The following CDH12 variants were observed in gnomAD, a reference collection of about 807,000 sequenced individuals.
The protein encoded by CDH12 is cadherin 12.
CDH12 carries 41 observed loss-of-function variants against 74.1 expected under a neutral mutation model. The observed-to-expected ratio is 0.55, with a 90% confidence interval of 0.43 to 0.72. CDH12 has a LOEUF of 0.72. Among genes scored for constraint, CDH12 ranks in the 30% least tolerant of loss-of-function variants. The pLI, the probability that CDH12 is intolerant of heterozygous loss-of-function variation, is 0.00. For synonymous variants in CDH12, 399 were observed against 355.0 expected (o/e 1.12, Z -1.39); for missense variants, 945 against 977.2 (o/e 0.97, Z 0.44).
intron 3 of CDH12, among the ~76,000 whole-genome samples, chr5:22,260,685 C>G (rs550263601): frequency 3.2e-4 from 48 of 151,998 alleles, no homozygotes; most frequent in African/African-American, 1.2e-3. Flanking sequence ...AAGATAGGTA[C>G]CAATTGTCAC....
chr5:21,837,036 G>C (rs372167026), intron 8 of CDH12, among the ~76,000 whole-genome samples: 6 of 152,078 alleles, frequency 3.9e-5, no homozygotes, highest in Non-Finnish European at 1.5e-5. Flanking sequence ...AGAGTGCTAA[G>C]AAGTTAGGGT....
At chr5:22,514,513 A>G (rs1736730013) in intron 1 of CDH12, among the ~76,000 whole-genome samples, 1 of 139,198 alleles carries the variant, frequency 7.2e-6, no homozygotes, top group Non-Finnish European at 1.5e-5. Context: ...CTATACACTT[A>G]AAAAAAAAAA....
intron 1 of CDH12, among the ~76,000 whole-genome samples, chr5:22,568,913 G>A (rs765209565): frequency 6.6e-6 from 1 of 152,204 alleles, no homozygotes; most frequent in Non-Finnish European, 1.5e-5. Flanking sequence ...GTGGTAATCT[G>A]TTAATCTTTT....
chr5:22,224,431 T>C (rs1024812304), intron 3 of CDH12, among the ~76,000 whole-genome samples: 7 of 152,062 alleles, frequency 4.6e-5, no homozygotes, highest in African/African-American at 1.7e-4. Flanking sequence ...TGGATAATAA[T>C]TTTAAAAACG....
chr5:21,961,852 C>T (rs1004425677), intron 6 of CDH12, among the ~76,000 whole-genome samples: 2 of 151,960 alleles, frequency 1.3e-5, no homozygotes, highest in African/African-American at 4.8e-5. Flanking sequence ...TGTTATATAA[C>T]CCTAGGAAAC....
At chr5:22,616,045 T>C (rs1404223815) in intron 1 of CDH12, among the ~76,000 whole-genome samples, 1 of 152,120 alleles carries the variant, frequency 6.6e-6, no homozygotes, top group African/African-American at 2.4e-5. Flanking sequence ...AACATTAGGA[T>C]AGGAGGACCA....
At chr5:22,836,079 T>C (rs1561065763) in intron 1 of CDH12, among the ~76,000 whole-genome samples, 3 of 152,010 alleles carry the variant, frequency 2.0e-5, no homozygotes, top group Admixed American at 2.0e-4. Context: ...ACCAGTTACA[T>C]GAAGGGTGAT....
At chr5:22,551,985 GT>G (rs1049017551) in intron 1 of CDH12, among the ~76,000 whole-genome samples, 1 of 147,510 alleles carries the variant, frequency 6.8e-6, no homozygotes, top group African/African-American at 2.5e-5. Context: ...TCCTATTGTT[GT>G]TTTTTGGCAA....
chr5:21,996,679 T>G (rs1736321586), intron 5 of CDH12, among the ~76,000 whole-genome samples: 2 of 152,184 alleles, frequency 1.3e-5, no homozygotes, highest in South Asian at 4.1e-4. Flanking sequence ...AATCAAAATA[T>G]TATGTTCCTA....
At chr5:22,052,516 G>A (rs1740445040) in intron 5 of CDH12, among the ~76,000 whole-genome samples, 1 of 151,974 alleles carries the variant, frequency 6.6e-6, no homozygotes, top group African/African-American at 2.4e-5. Flanking sequence ...ATTTCTTTGT[G>A]CACCTACACT....
At chr5:22,535,267 A>G (rs1328496700) in intron 1 of CDH12, among the ~76,000 whole-genome samples, 29 of 137,174 alleles carry the variant, frequency 2.1e-4, no homozygotes, top group East Asian at 1.5e-3. Flanking sequence ...CCATTCTCCT[A>G]CTTCAGCCTC....
intron 1 of CDH12, among the ~76,000 whole-genome samples, chr5:22,788,510 C>A (rs1341737947): frequency 1.3e-5 from 2 of 149,004 alleles, no homozygotes; most frequent in African/African-American, 4.9e-5. Context: ...TCCAATAATT[C>A]TTTATAATAT....
intron 3 of CDH12, among the ~76,000 whole-genome samples, chr5:22,354,005 G>T (rs1295959273): frequency 6.6e-6 from 1 of 152,156 alleles, no homozygotes; most frequent in African/African-American, 2.4e-5. Context: ...ACAAAGGAGA[G>T]ACCAGTAATG....
At chr5:21,886,683 G>A (rs1752651815) in intron 6 of CDH12, among the ~76,000 whole-genome samples, 1 of 150,530 alleles carries the variant, frequency 6.6e-6, no homozygotes, top group Admixed American at 6.6e-5. Flanking sequence ...TTACACATAA[G>A]CACTTAATCT....
intron 3 of CDH12, among the ~76,000 whole-genome samples, chr5:22,396,564 G>A (rs577047932): frequency 4.6e-5 from 7 of 152,170 alleles, no homozygotes; most frequent in Admixed American, 2.6e-4. Flanking sequence ...GAAAGTCCTC[G>A]GGCATGTACA....
Position 21,751,932 on chromosome 5 carries a change from G to A in CDH12, c.2190C>T (p.Ala730=). Residue 730 remains alanine, a synonymous_variant, in exon 15 of 15, where the codon GCC becomes GCT. Transcript: ENST00000382254. The part of the protein sequence containing the change: ...RLQENDVDPT[A]PPYDSLATYA... ...ATGTGGCCAGTGAATCGTATGGTGG[G>A]GCAGTTGGATCCACATCATTTTCCT... 1 of 1,613,930 alleles carries A rather than the reference G, an allele frequency of 6.2e-7. No homozygotes were observed. The highest frequency in any genetic ancestry group is 8.5e-7 in the Non-Finnish European group (1 of 1,179,950).
At chr5:22,126,111 G>T (rs1745850949) in intron 4 of CDH12, among the ~76,000 whole-genome samples, 1 of 151,880 alleles carries the variant, frequency 6.6e-6, no homozygotes, top group East Asian at 1.9e-4. Flanking sequence ...TTACATAGGA[G>T]TAAACTATTA....
At chr5:22,168,636 A>AT (rs1748833616) in intron 4 of CDH12, among the ~76,000 whole-genome samples, 1 of 151,920 alleles carries the variant, frequency 6.6e-6, no homozygotes, top group African/African-American at 2.4e-5. Flanking sequence ...TGTTTGTGTG[A>AT]TTTTTTACTT....
intron 10 of CDH12, among the ~76,000 whole-genome samples, chr5:21,800,455 C>T (rs577091493): frequency 3.3e-5 from 5 of 152,072 alleles, no homozygotes; most frequent in African/African-American, 4.8e-5. Context: ...TTAGTTGATC[C>T]GGATGGAGCC....
Sources: allele counts gnomAD v4.1 joint callset (sites outside exome capture counted in the v4.1 genomes callset), GRCh38; gene constraint gnomAD v4.1.1; transcripts MANE v1.5; gene names NCBI Gene and HGNC (gene_info 2026-07-23, HGNC 2026-07-21).